Variants in LRRTM4 observed in about 807,000 individuals in gnomAD.
LRRTM4 encodes leucine-rich repeat transmembrane neuronal protein 4.
In LRRTM4, 25 loss-of-function variants were observed where a neutral mutation model predicts 47.6. The ratio of observed to expected loss-of-function variants is 0.53; its 90% confidence interval spans 0.38 to 0.73. LRRTM4 has a LOEUF of 0.73. LRRTM4 is among the 30% of genes least tolerant of loss of function. LRRTM4 has a pLI of 0.00. For missense variants in LRRTM4, 638 were observed against 713.4 expected (o/e 0.89, Z 1.20); for synonymous variants, 311 against 269.5 (o/e 1.15, Z -1.51).
chr2:76,763,419 T>C (rs1673333820), intron 3 of LRRTM4, among the ~76,000 whole-genome samples: 1 of 152,224 alleles, frequency 6.6e-6, no homozygotes, highest in African/African-American at 2.4e-5. Flanking sequence ...TCTCTCTCTG[T>C]ACTTGGACAA....
intron 3 of LRRTM4, among the ~76,000 whole-genome samples, chr2:77,332,448 A>T (rs1179047432): frequency 6.6e-6 from 1 of 152,146 alleles, no homozygotes; most frequent in African/African-American, 2.4e-5. Flanking sequence ...TGCTTGAAAA[A>T]GTAGTGCTCT....
intron 3 of LRRTM4, among the ~76,000 whole-genome samples, chr2:77,411,359 C>T (rs575565349): frequency 2.6e-5 from 4 of 151,894 alleles, no homozygotes; most frequent in Non-Finnish European, 4.4e-5. Flanking sequence ...TATTGGATGC[C>T]GGGGTCTTCG....
intron 3 of LRRTM4, among the ~76,000 whole-genome samples, chr2:76,868,769 C>G (rs931850011): frequency 6.6e-6 from 1 of 152,088 alleles, no homozygotes; most frequent in African/African-American, 2.4e-5. Context: ...CTGAGTCAGA[C>G]CCAGATGAAA....
At chr2:76,992,191 C>A (rs907769450) in intron 3 of LRRTM4, among the ~76,000 whole-genome samples, 2 of 151,732 alleles carry the variant, frequency 1.3e-5, no homozygotes, top group African/African-American at 2.4e-5. Context: ...AATGGGTGGG[C>A]AAATGCTGGA....
At chr2:77,001,078 G>A (rs1677408289) in intron 3 of LRRTM4, among the ~76,000 whole-genome samples, 1 of 152,120 alleles carries the variant, frequency 6.6e-6, no homozygotes, top group South Asian at 2.1e-4. Flanking sequence ...GTATATTTAA[G>A]CTAACTAACT....
At chr2:77,505,595 A>C (rs1678736316) in intron 3 of LRRTM4, among the ~76,000 whole-genome samples, 2 of 151,522 alleles carry the variant, frequency 1.3e-5, no homozygotes, top group Non-Finnish European at 3.0e-5. Context: ...AAGTATAATA[A>C]ATAAGAAATG....
intron 3 of LRRTM4, among the ~76,000 whole-genome samples, chr2:77,438,511 A>G (rs1675701959): frequency 7.1e-6 from 1 of 140,464 alleles, no homozygotes; most frequent in Admixed American, 7.7e-5. Context: ...GGTTCACGCC[A>G]TTCTCCTTCC....
intron 3 of LRRTM4, among the ~76,000 whole-genome samples, chr2:77,497,544 G>GACTT (rs1678409937): frequency 6.6e-6 from 1 of 150,848 alleles, no homozygotes. Flanking sequence ...CTAGTTTCAA[G>GACTT]ACTTAAAGAA....
intron 3 of LRRTM4, among the ~76,000 whole-genome samples, chr2:76,828,558 G>A (rs1671249013): frequency 6.6e-6 from 1 of 151,926 alleles, no homozygotes; most frequent in African/African-American, 2.4e-5. Flanking sequence ...ATGTGTATAG[G>A]TTCATTAGAA....
At chr2:77,079,525 A>AT (rs766062272) in intron 3 of LRRTM4, among the ~76,000 whole-genome samples, 8 of 152,212 alleles carry the variant, frequency 5.3e-5, no homozygotes, top group Admixed American at 6.5e-5. Flanking sequence ...GATTTTTGCA[A>AT]TTTTTTTAAA....
chr2:76,858,558 A>G (rs901613632), intron 3 of LRRTM4, among the ~76,000 whole-genome samples: 7 of 152,114 alleles, frequency 4.6e-5, no homozygotes, highest in Non-Finnish European at 8.8e-5. Context: ...TGTCTATCCA[A>G]TTTTGAAGGG....
At chr2:77,199,483 A>G (rs1165445512) in intron 3 of LRRTM4, among the ~76,000 whole-genome samples, 3 of 151,876 alleles carry the variant, frequency 2.0e-5, no homozygotes, top group Admixed American at 2.0e-4. Context: ...CTAATTTTGG[A>G]TTTGTCATTT....
chr2:76,998,575 G>A (rs564554602), intron 3 of LRRTM4, among the ~76,000 whole-genome samples: 2 of 152,062 alleles, frequency 1.3e-5, no homozygotes, highest in South Asian at 4.1e-4. Flanking sequence ...ATGAGACCCA[G>A]GAATCTGCAC....
At chr2:77,377,647 G>A (rs1166451249) in intron 3 of LRRTM4, among the ~76,000 whole-genome samples, 3 of 151,964 alleles carry the variant, frequency 2.0e-5, no homozygotes, top group Admixed American at 1.3e-4. Flanking sequence ...GGTTAAATAA[G>A]TAATCTATCT....
At chr2:77,089,169 C>A (rs1411232353) in intron 3 of LRRTM4, among the ~76,000 whole-genome samples, 1 of 152,030 alleles carries the variant, frequency 6.6e-6, no homozygotes, top group Non-Finnish European at 1.5e-5. Context: ...ATACCCCAAC[C>A]CCTTCTCTCC....
intron 3 of LRRTM4, among the ~76,000 whole-genome samples, chr2:77,196,755 A>G (rs1453347195): frequency 6.6e-6 from 1 of 152,152 alleles, no homozygotes; most frequent in Non-Finnish European, 1.5e-5. Flanking sequence ...AATAAATTAA[A>G]TAAAATAAAA....
chr2:76,956,504 AAAG>A lies in LRRTM4; in HGVS notation c.1552-207591_1552-207589del, dbSNP rs201552105. Among the ~76,000 whole-genome samples the A allele has an allele frequency of 9.6e-3, 1,454 of 151,586 alleles. 24 individuals are homozygous for A. Among genetic ancestry groups the A allele is most frequent in the African/African-American group, 0.034 (1,406 of 41,472 alleles). On this transcript the variant is annotated intron_variant, in intron 3 of 3. Coordinates refer to ENST00000409884, the MANE Select transcript of LRRTM4 (RefSeq NM_001134745.3). ...TATAGCAGCAAATGCCTACATTATA[AAAG>A]AAGAAAAATCTCAAATAAACTATCT...
intron 3 of LRRTM4, among the ~76,000 whole-genome samples, chr2:76,774,803 T>A (rs950307287): frequency 6.6e-6 from 1 of 152,226 alleles, no homozygotes; most frequent in African/African-American, 2.4e-5. Flanking sequence ...ACCAATATTT[T>A]TGCCACTGTT....
intron 3 of LRRTM4, among the ~76,000 whole-genome samples, chr2:77,449,065 T>TA (rs1363858409): frequency 2.0e-5 from 3 of 152,212 alleles, no homozygotes; most frequent in Non-Finnish European, 4.4e-5. Context: ...GAATTGAGTC[T>TA]AAAAACATCA....
Sources: gnomAD v4.1 joint callset for allele counts (sites outside exome capture counted in the v4.1 genomes callset) on GRCh38, gnomAD v4.1.1 for gene constraint, MANE v1.5 for transcripts, NCBI Gene and HGNC (gene_info 2026-07-23, HGNC 2026-07-21) for gene names.